The following EFL1 variants were observed in gnomAD, a reference collection of about 807,000 sequenced individuals.
The protein encoded by EFL1 is elongation factor like GTPase 1.
A neutral mutation model predicts 126.7 loss-of-function variants in EFL1; 76 were observed. The observed-to-expected ratio is 0.60, with a 90% CI of 0.50 to 0.73. The LOEUF is 0.73. Ranked by LOEUF, EFL1 falls within the 30% of genes least tolerant of loss-of-function variation. The pLI, the probability that EFL1 is intolerant of heterozygous loss-of-function variation, is 0.00. For missense variants in EFL1, 1,128 were observed against 1,343.2 expected, an observed-to-expected ratio of 0.84 and a Z score of 2.50; for synonymous variants, 410 against 448.4, an observed-to-expected ratio of 0.91 and a Z score of 1.08.
rs2073624516 is a variant in EFL1 at position 82,130,317 on chromosome 15, C to A, written c.*56G>T. The stretch of plus-strand genomic sequence containing the variant: ...AAAAGAAATTTTCCCAATATTAAAC[C>A]CTTGATGATACTTTTAAATTCACTA... On this transcript the variant is annotated 3_prime_UTR_variant, in exon 20 of 20. Coordinates refer to ENST00000268206, the MANE Select transcript of EFL1 (RefSeq NM_024580.6). 3.2e-6 allele frequency: 5 copies of A among 1,565,272 alleles called. No individual in the cohort carries two copies. Among genetic ancestry groups the A allele is most frequent in the East Asian group, 2.3e-5 (1 of 44,076 alleles).
intron 19 of EFL1, among the ~76,000 whole-genome samples, chr15:82,134,175 C>T (rs1399037616): frequency 2.0e-5 from 3 of 152,250 alleles, no homozygotes; most frequent in East Asian, 1.9e-4. Flanking sequence ...CAGCCTGAAG[C>T]CACTTGCCTC....
At chr15:82,165,826 T>C (rs1315770256) in intron 15 of EFL1, among the ~76,000 whole-genome samples, 2 of 152,220 alleles carry the variant, frequency 1.3e-5, no homozygotes, top group Non-Finnish European at 2.9e-5. Flanking sequence ...GCACAGGACA[T>C]GATTTACAGA....
At chr15:82,212,260 G>A (rs905372513) in intron 15 of EFL1, among the ~76,000 whole-genome samples, 1 of 152,186 alleles carries the variant, frequency 6.6e-6, no homozygotes, top group Non-Finnish European at 1.5e-5. Context: ...ACAAATCCCA[G>A]TTAGGATAAA....
rs780624355 is a variant in EFL1, at chr15:82,152,451, G to A, written c.2031-28C>T. 3.5e-5 allele frequency: 55 copies of A among 1,557,264 alleles called. 2 individuals carry two copies. The South Asian group carries it at 5.8e-4, about 16-fold the overall frequency. ...ACAGACAAATTCAAGAGAAATAACA[G>A]AAGGTTAAAATCAAAATAGCATCAA... On this transcript the variant is annotated intron_variant, in intron 17 of 19. Transcript: ENST00000268206.
At chr15:82,184,726 G>T (rs756466152) in intron 15 of EFL1, among the ~76,000 whole-genome samples, 2 of 152,218 alleles carry the variant, frequency 1.3e-5, no homozygotes, top group African/African-American at 2.4e-5. Context: ...ATTTGGAAAA[G>T]AAGTGGAAGC....
At chr15:82,209,214 C>A in intron 15 of EFL1, among the ~76,000 whole-genome samples, 1 of 152,114 alleles carries the variant, frequency 6.6e-6, no homozygotes, top group Non-Finnish European at 1.5e-5. Flanking sequence ...TTCTACTGAG[C>A]TTTCCCTTGA....
At chr15:82,226,228 G>A (rs2074762156) in intron 11 of EFL1, among the ~76,000 whole-genome samples, 2 of 152,162 alleles carry the variant, frequency 1.3e-5, no homozygotes, top group South Asian at 4.1e-4. Flanking sequence ...GAGTGCAGTG[G>A]CGTTATCTCG....
At chr15:82,173,884 T>A (rs1380375794) in intron 15 of EFL1, among the ~76,000 whole-genome samples, 1 of 152,106 alleles carries the variant, frequency 6.6e-6, no homozygotes, top group Non-Finnish European at 1.5e-5. Context: ...AACAATCTTT[T>A]TTTCTTTTTA....
At chr15:82,149,454 CG>C (rs1175181210) in intron 18 of EFL1, among the ~76,000 whole-genome samples, 1 of 151,892 alleles carries the variant, frequency 6.6e-6, no homozygotes, top group East Asian at 1.9e-4. Context: ...AATGAGAAGA[CG>C]TAATTGTTAA....
chr15:82,244,796 T>C (rs900310629), intron 4 of EFL1, among the ~76,000 whole-genome samples: 3 of 152,164 alleles, frequency 2.0e-5, no homozygotes, highest in Non-Finnish European at 2.9e-5. Flanking sequence ...AACATCTCTG[T>C]ATTCAGTAAA....
intron 15 of EFL1, among the ~76,000 whole-genome samples, chr15:82,199,658 C>T (rs1215657501): frequency 2.0e-5 from 3 of 152,136 alleles, no homozygotes; most frequent in Non-Finnish European, 4.4e-5. Context: ...AATTCACACA[C>T]ATGAATTTAT....
chr15:82,156,444 C>A (rs2073968254), intron 17 of EFL1, among the ~76,000 whole-genome samples: 1 of 152,146 alleles, frequency 6.6e-6, no homozygotes, highest in South Asian at 2.1e-4. Flanking sequence ...GCCACCACAT[C>A]CAGCTAATTT....
chr15:82,223,264 GAA>G (rs34700666), intron 12 of EFL1, among the ~76,000 whole-genome samples: 94 of 150,248 alleles, frequency 6.3e-4, no homozygotes, highest in African/African-American at 2.1e-3. Context: ...AAACTTAAAT[GAA>G]AAAAAAAAAT....
At chr15:82,226,231 T>C (rs1424126331) in intron 11 of EFL1, among the ~76,000 whole-genome samples, 1 of 152,088 alleles carries the variant, frequency 6.6e-6, no homozygotes, top group Non-Finnish European at 1.5e-5. Context: ...TGCAGTGGCG[T>C]TATCTCGGCT....
At chr15:82,134,247 GT>G (rs925734855) in intron 19 of EFL1, among the ~76,000 whole-genome samples, 1 of 152,152 alleles carries the variant, frequency 6.6e-6, no homozygotes, top group African/African-American at 2.4e-5. Flanking sequence ...CTCGAGGCTG[GT>G]TTTGAATTTC....
chr15:82,220,309 G>A, intron 12 of EFL1, 80 bp from the exon 13 acceptor site: 1 of 1,488,630 alleles, frequency 6.7e-7, no homozygotes, highest in Non-Finnish European at 9.0e-7. Flanking sequence ...GGCTGGGTAA[G>A]ATGAAGATTG....
intron 19 of EFL1, among the ~76,000 whole-genome samples, chr15:82,136,313 A>C (rs953485146): frequency 6.6e-6 from 1 of 152,182 alleles, no homozygotes; most frequent in Non-Finnish European, 1.5e-5. Context: ...GTTCTGATCA[A>C]ACATACTATA....
chr15:82,137,842 C>G (rs2073738362), intron 19 of EFL1, among the ~76,000 whole-genome samples: 1 of 152,212 alleles, frequency 6.6e-6, no homozygotes, highest in Admixed American at 6.5e-5. Flanking sequence ...TTTTTACCAG[C>G]CTTTTCTCAT....
Position 82,130,474 on chromosome 15 carries a change from G to A in EFL1, c.3262C>T (p.Arg1088Trp), listed in dbSNP as rs751029793. ...TTTCGTACTGCGTTCATGTACTTCC[G>A]GGCTTGGTTCTCAGAGTCAGCCTTC... ...GEKADSENQA[R>W]KYMNAVRKRK... The change falls in exon 20 of 20, where the codon CGG becomes TGG. Residue 1088 changes from arginine to tryptophan, a missense_variant. Arg to Trp is a moderately radical substitution (Grantham distance 101). Transcript: ENST00000268206. 8.1e-6 allele frequency: 13 copies of A among 1,613,934 alleles called. No homozygotes were observed. Among genetic ancestry groups the A allele is most frequent in the Admixed American group, 3.3e-5 (2 of 59,974 alleles).
Sources: allele counts gnomAD v4.1 joint callset (sites outside exome capture counted in the v4.1 genomes callset), GRCh38; gene constraint gnomAD v4.1.1; transcripts MANE v1.5; gene names NCBI Gene and HGNC (gene_info 2026-07-23, HGNC 2026-07-21).